Variants in LRRC43 observed in about 807,000 individuals in gnomAD.
LRRC43 encodes the protein leucine-rich repeat-containing protein 43.
A neutral mutation model predicts 64.3 loss-of-function variants in LRRC43; 62 were observed. The ratio of observed to expected loss-of-function variants is 0.96; its 90% CI spans 0.79 to 1.19. The LOEUF is 1.19. Among genes scored for constraint, LRRC43 ranks in the 50% most tolerant of loss-of-function variants. The pLI is 0.00. For synonymous variants in LRRC43, 422 were observed against 382.3 expected (o/e 1.10, Z -1.21); for missense variants, 868 against 845.0 (o/e 1.03, Z -0.34).
At chr12:122,197,200 G>A (rs1303918164) in intron 7 of LRRC43, among the ~76,000 whole-genome samples, 5 of 152,076 alleles carry the variant, frequency 3.3e-5, no homozygotes, top group Admixed American at 6.6e-5. Context: ...TGCTCTTGTC[G>A]CCCAGGCTAG....
At chr12:122,185,416 G>A (rs967512332) in intron 2 of LRRC43, among the ~76,000 whole-genome samples, 6 of 152,276 alleles carry the variant, frequency 3.9e-5, no homozygotes, top group African/African-American at 1.4e-4. Flanking sequence ...AGAGGCTGCA[G>A]TGATCATGAT....
intron 1 of LRRC43, among the ~76,000 whole-genome samples, chr12:122,170,427 C>T (rs568314237): frequency 3.9e-5 from 6 of 152,058 alleles, no homozygotes; most frequent in East Asian, 3.9e-4. Flanking sequence ...GTCAGGAGAT[C>T]GAGACCATCC....
chr12:122,193,140 G>T, intron 7 of LRRC43, 136 bp downstream of exon 7: 4 of 843,768 alleles, frequency 4.7e-6, no homozygotes, highest in African/African-American at 1.7e-5. Flanking sequence ...CGGCACTTTG[G>T]GAGGCAGAGG....
At chr12:122,201,400 G>C (rs1953837431) in intron 11 of LRRC43, 71 bp downstream of exon 11, 1 of 1,452,450 alleles carries the variant, frequency 6.9e-7, no homozygotes, top group Admixed American at 1.7e-5. Flanking sequence ...CCCTGGGGGA[G>C]GCCAAAGGAA....
chr12:122,191,491 A>G lies in LRRC43; in HGVS notation c.1013A>G (p.Tyr338Cys). 1.2e-6 allele frequency: 2 copies of G among 1,614,118 alleles called. No individual in the cohort carries two copies. The highest frequency in any genetic ancestry group is 1.7e-6 in the Non-Finnish European group (2 of 1,180,044). Residue 338 changes from tyrosine (Y) to cysteine (C), a missense_variant, in exon 6 of 12, where the codon TAC becomes TGC. By Grantham distance (194) the Tyr-to-Cys change is radical (BLOSUM62 -2). Coordinates refer to ENST00000339777, the MANE Select transcript of LRRC43 (RefSeq NM_001098519.2). ...EPRPEGPFIT[Y>C]NYYVTYDFVK... ...AGGCCCGAAGGCCCTTTCATCACTTACAACTATTACGTGACCTATGATTTT... is the reference window on the plus strand; with the variant it reads ...AGGCCCGAAGGCCCTTTCATCACTTGCAACTATTACGTGACCTATGATTTT...
chr12:122,181,314 TG>T (rs1369962894), upstream of LRRC43, among the ~76,000 whole-genome samples: 3 of 151,136 alleles, frequency 2.0e-5, no homozygotes, highest in African/African-American at 4.9e-5. Context: ...GAGGCTGAGG[TG>T]GGCGGATGAC....
rs1953818108 is a variant in LRRC43, at chr12:122,200,147, C to T, written c.1350-42C>T. 1.2e-6 allele frequency: 2 copies of T among 1,600,732 alleles called. No homozygotes were observed. The highest frequency in any genetic ancestry group is 1.3e-5 in the African/African-American group (1 of 74,572). On this transcript the variant is annotated intron_variant, in intron 7 of 11. Transcript: ENST00000339777. The surrounding 1 kb of genome is among the most constrained non-coding windows in gnomAD (Gnocchi z 4.6). ...CTGTCCCGGGTCCCTGGCCACAGCC[C>T]CTGGGTGACGGCACCCCCGTCTTCA...
intron 1 of LRRC43, among the ~76,000 whole-genome samples, chr12:122,169,406 A>G (rs1031599455): frequency 6.6e-6 from 1 of 152,072 alleles, no homozygotes; most frequent in African/African-American, 2.4e-5. Context: ...CATTCCTTCT[A>G]TATTTATGAT....
rs931886904 is a variant in LRRC43 at position 122,184,622 on chromosome 12, T to C, written c.254T>C (p.Leu85Pro). ...GGAGAGGAGACGGTGGAGGCCCTGCTGGGCCTGGTCCGCAGCCGCCACTCC... is the reference window on the plus strand; with the variant it reads ...GGAGAGGAGACGGTGGAGGCCCTGCCGGGCCTGGTCCGCAGCCGCCACTCC... ...SPGEETVEAL[L>P]GLVRSRHSPW... The change falls in exon 2 of 12, where the codon CTG (leucine) becomes CCG (proline). Residue 85 changes from leucine to proline, a missense_variant. Physicochemically the swap from Leu to Pro is moderately conservative, Grantham distance 98. Coordinates refer to ENST00000339777, the MANE Select transcript of LRRC43 (RefSeq NM_001098519.2). The surrounding 1 kb of genome is among the most constrained non-coding windows in gnomAD (Gnocchi z 4.0). 1 of 1,613,864 alleles carries C rather than the reference T, an allele frequency of 6.2e-7. No individual in the cohort carries two copies. The highest frequency in any genetic ancestry group is 8.5e-7 in the Non-Finnish European group (1 of 1,179,838).
At chr12:122,169,927 C>T (rs1192421822) in intron 1 of LRRC43, among the ~76,000 whole-genome samples, 1 of 151,978 alleles carries the variant, frequency 6.6e-6, no homozygotes, top group Non-Finnish European at 1.5e-5. Flanking sequence ...GTACCTCAGC[C>T]TCCCAAGTAG....
intron 6 of LRRC43, among the ~76,000 whole-genome samples, chr12:122,192,443 G>T (rs1953729368): frequency 6.6e-6 from 1 of 152,162 alleles, no homozygotes; most frequent in African/African-American, 2.4e-5. Context: ...GCCCCATTCT[G>T]CAATTTCTAC....
Position 122,184,597 on chromosome 12 carries a change from G to A in LRRC43, c.229G>A (p.Gly77Arg), listed in dbSNP as rs750177453. 4.3e-5 allele frequency: 70 copies of A among 1,613,800 alleles called. No individual in the cohort carries two copies. Among genetic ancestry groups the A allele is most frequent in the Admixed American group, 8.3e-5 (5 of 59,988 alleles). ...VPREEDVVSP[G>R]EETVEALLGL... ...CAGAGAGGAGGATGTGGTGAGCCCCGGAGAGGAGACGGTGGAGGCCCTGCT... is the reference window on the plus strand; with the variant it reads ...CAGAGAGGAGGATGTGGTGAGCCCCAGAGAGGAGACGGTGGAGGCCCTGCT... Residue 77 changes from glycine (G) to arginine (R), a missense_variant, in exon 2 of 12, where the codon GGA (glycine) becomes AGA (arginine). Physicochemically the swap from Gly to Arg is moderately radical, Grantham distance 125. Transcript: ENST00000339777. The surrounding 1 kb of genome is among the most constrained non-coding windows in gnomAD (Gnocchi z 4.0).
chr12:122,192,410 A>G (rs1953728866), intron 6 of LRRC43, among the ~76,000 whole-genome samples: 1 of 152,100 alleles, frequency 6.6e-6, no homozygotes, highest in African/African-American at 2.4e-5. Context: ...TACTGGGATT[A>G]CAGGCGTGAG....
At chr12:122,203,264 C>T in intron 11 of LRRC43, 51 bp from the exon 12 acceptor site, 8 of 1,592,280 alleles carry the variant, frequency 5.0e-6, no homozygotes, top group Admixed American at 1.7e-5. Context: ...CGGCCGAGAA[C>T]GCCAGCCCAT....
chr12:122,183,341 G>C (rs1181165755), intron 1 of LRRC43, 47 bp downstream of exon 1: 6 of 1,400,126 alleles, frequency 4.3e-6, no homozygotes, highest in Non-Finnish European at 5.5e-6. Context: ...CCGGCTGCGG[G>C]GAGGCACGGG....
chr12:122,199,278 CTTTT>C (rs1165454881), intron 7 of LRRC43, among the ~76,000 whole-genome samples: 1 of 86,154 alleles, frequency 1.2e-5, no homozygotes. Flanking sequence ...ATTGTTTCAG[CTTTT>C]TTTTTTTTTT....
At chr12:122,193,096 G>T in intron 7 of LRRC43, 92 bp downstream of exon 7, 4 of 1,405,752 alleles carry the variant, frequency 2.8e-6, no homozygotes, top group Non-Finnish European at 3.9e-6. Context: ...AAGTCCTGAG[G>T]CTGGCGGGGC....
At chr12:122,168,319 T>C (rs1442302167) in intron 1 of LRRC43, among the ~76,000 whole-genome samples, 1 of 151,476 alleles carries the variant, frequency 6.6e-6, no homozygotes, top group Admixed American at 6.6e-5. Flanking sequence ...TGCATGCCTG[T>C]AATCCCAGCT....
upstream of LRRC43, among the ~76,000 whole-genome samples, chr12:122,178,582 CTTTTTTTT>C (rs57204293): frequency 6.6e-5 from 4 of 60,732 alleles, no homozygotes; most frequent in Non-Finnish European, 8.4e-5. Context: ...AGGTGGCTTT[CTTTTTTTT>C]TTTTTTTTTT....
Sources: gnomAD v4.1 joint callset for allele counts (sites outside exome capture counted in the v4.1 genomes callset) on GRCh38, gnomAD v4.1.1 for gene constraint, Gnocchi (gnomAD v3.1) non-coding constraint, MANE v1.5 for transcripts, NCBI Gene and HGNC (gene_info 2026-07-23, HGNC 2026-07-21) for gene names.